FAM234A: variants seen among roughly 807,000 people sequenced by gnomAD.
FAM234A encodes the protein protein FAM234A.
FAM234A carries 42 observed loss-of-function variants against 49.1 expected under a neutral mutation model. The observed-to-expected ratio is 0.86, with a 90% CI of 0.67 to 1.11. The LOEUF is 1.11. FAM234A is among the 50% of genes least tolerant of loss of function. The pLI is 0.00. For synonymous variants in FAM234A, 369 were observed against 316.2 expected (o/e 1.17, Z -1.77); for missense variants, 815 against 745.2 (o/e 1.09, Z -1.09).
intron 1 of FAM234A, among the ~76,000 whole-genome samples, chr16:238,753 G>C (rs1160945332): frequency 1.8e-5 from 2 of 111,064 alleles, no homozygotes; most frequent in African/African-American, 7.2e-5. Flanking sequence ...GCGACAGAGT[G>C]AGACTCCGTC....
Position 246,138 on chromosome 16 carries a change from C to T in FAM234A, c.-139-3411C>T, listed in dbSNP as rs1022761439. Among the ~76,000 whole-genome samples, 3 of 151,364 alleles carry T rather than the reference C, an allele frequency of 2.0e-5. No homozygotes were observed. In the South Asian group the frequency reaches 6.3e-4, roughly 32 times the overall value. Reference sequence around the variant, plus strand: ...GCTGAGGCAGGAGAATCGCTTGAACCCAGGAGGCAGAGGTTGCAGTGAGCC... The same window carrying T: ...GCTGAGGCAGGAGAATCGCTTGAACTCAGGAGGCAGAGGTTGCAGTGAGCC... On this transcript the variant is annotated intron_variant, in intron 1 of 12. Transcript: ENST00000399932.
At chr16:251,445 G>C (rs2141256417) in intron 2 of FAM234A, among the ~76,000 whole-genome samples, 1 of 151,986 alleles carries the variant, frequency 6.6e-6, no homozygotes, top group African/African-American at 2.4e-5. Context: ...CGTGATCTCA[G>C]CTCACTGCAG....
chr16:266,111 C>T (rs1367777706), downstream of FAM234A: 27 of 984,582 alleles, frequency 2.7e-5, no homozygotes, highest in East Asian at 2.3e-4. Context: ...GGTGGTCAGG[C>T]GTGAGCCTAG....
At position 243,668 on chromosome 16, in the gene FAM234A, A is replaced by AAAGG. The variant is rs1244166855; in HGVS notation, c.-139-5877_-139-5874dup. Among the ~76,000 whole-genome samples, 24 of 152,306 alleles carry AAAGG rather than the reference A, an allele frequency of 1.6e-4. No homozygotes were observed. The East Asian group carries it at 4.2e-3, about 27-fold the overall frequency. ...TCTGGTGGCTCAGTCAAGTTTCCAA[A>AAAGG]AAGGAAGTCTTACCTGGAGATCCTG... On this transcript the variant is annotated intron_variant, in intron 1 of 12. Coordinates refer to ENST00000399932, the MANE Select transcript of FAM234A (RefSeq NM_032039.4).
Position 262,517 on chromosome 16 carries a change from T to A in FAM234A, c.935T>A (p.Met312Lys). ...PFKSDPHWES[M>K]LNATTRRMLS... ...AAGAGTGACCCGCACTGGGAGAGCA[T>A]GCTCAATGCCACCACCCGCAGGATG... is the stretch of plus-strand genomic sequence containing the variant. The change falls in exon 8 of 13, where the codon ATG becomes AAG. Residue 312 changes from methionine to lysine, a missense_variant. Met to Lys is a moderately conservative substitution (Grantham distance 95). Transcript: ENST00000399932. The A allele has an allele frequency of 1.2e-6, 2 of 1,611,108 alleles. No homozygotes were observed. Among genetic ancestry groups the A allele is most frequent in the Non-Finnish European group, 1.7e-6 (2 of 1,178,666 alleles).
In FAM234A at chr16:264,754, G is replaced by A. The variant is rs146078114; in HGVS notation, c.1447+38G>A. 320 of 1,607,300 alleles carry A rather than the reference G, an allele frequency of 2.0e-4. 1 individual carries two copies. The East Asian group carries it at 6.3e-3, about 32-fold the overall frequency. On this transcript the variant is annotated intron_variant, in intron 12 of 12. Transcript: ENST00000399932. ...TCGGCCAGGGACCCGGGTGTTCCGC[G>A]GGGTCTGCCCTGGCTGGTCCTGAGC...
At chr16:262,588 C>T (rs1316023823) in intron 8 of FAM234A, 35 bp downstream of exon 8, 12 of 1,541,856 alleles carry the variant, frequency 7.8e-6, no homozygotes, top group Middle Eastern at 2.1e-4. Context: ...CCATGCAGAG[C>T]GCCCACCCCA....
At chr16:250,083 C>T (rs935289725) in intron 2 of FAM234A, among the ~76,000 whole-genome samples, 6 of 152,196 alleles carry the variant, frequency 3.9e-5, no homozygotes, top group African/African-American at 9.7e-5. Flanking sequence ...AGGCGCATGC[C>T]GCCACACCCA....
At chr16:262,756 G>A (rs1370108845) in intron 8 of FAM234A, among the ~76,000 whole-genome samples, 2 of 151,892 alleles carry the variant, frequency 1.3e-5, no homozygotes, top group Non-Finnish European at 1.5e-5. Flanking sequence ...GGTTCCCGAC[G>A]CTGTGCCTGT....
intron 1 of FAM234A, among the ~76,000 whole-genome samples, chr16:246,749 G>GTGTTT (rs146299091): frequency 1.1e-4 from 16 of 148,792 alleles, no homozygotes; most frequent in South Asian, 6.4e-4. Flanking sequence ...CGATCGATTG[G>GTGTTT]TGTTTTGTTT....
In FAM234A at chr16:259,548, T is replaced by C. The variant is rs202157021; in HGVS notation, c.334T>C (p.Tyr112His). 1 of 1,613,208 alleles carries C rather than the reference T, an allele frequency of 6.2e-7. No homozygotes were observed. Among genetic ancestry groups the C allele is most frequent in the Non-Finnish European group, 8.5e-7 (1 of 1,179,148 alleles). The change falls in exon 4 of 13, where the codon TAT becomes CAT. Residue 112 changes from tyrosine to histidine, a missense_variant. Tyr to His is a moderately conservative substitution (Grantham distance 83). Transcript: ENST00000399932. ...GDRIQDVLFL[Y>H]KNTNSSNNFS... ...CAGGATCCAAGATGTTCTTTTTCTTTATAAAAACACCAACAGCAGCAACAA... is the reference window on the plus strand; with the variant it reads ...CAGGATCCAAGATGTTCTTTTTCTTCATAAAAACACCAACAGCAGCAACAA...
intron 2 of FAM234A, among the ~76,000 whole-genome samples, chr16:250,749 G>A (rs1202337035): frequency 6.6e-6 from 1 of 151,976 alleles, no homozygotes; most frequent in African/African-American, 2.4e-5. Context: ...TGGCCCCCAC[G>A]AGTCTACTCC....
rs1325523478 is a variant in FAM234A, at chr16:263,743, G to C, written c.1156G>C (p.Ala386Pro). 1 of 1,614,014 alleles carries C rather than the reference G, an allele frequency of 6.2e-7. No homozygotes were observed. The highest frequency in any genetic ancestry group is 1.3e-5 in the African/African-American group (1 of 74,950). ...CTACAAACCAGACACCTTGGCTGTA[G>C]CCGTTGAAAACGGAACTGGCACCGA... ...GRYKPDTLAVAVENGTGTDRQ... is the reference protein window; with the variant it reads ...GRYKPDTLAVPVENGTGTDRQ... The change falls in exon 10 of 13, where the codon GCC becomes CCC. Residue 386 changes from alanine (A) to proline (P), a missense_variant. Coordinates refer to ENST00000399932, the MANE Select transcript of FAM234A (RefSeq NM_032039.4).
At chr16:263,807 T>C in intron 10 of FAM234A, 32 bp downstream of exon 10, 2 of 1,568,284 alleles carry the variant, frequency 1.3e-6, no homozygotes, top group Non-Finnish European at 8.8e-7. Context: ...GGTGGCACCT[T>C]TGTTCTTAGC....
In FAM234A at chr16:264,688, T is replaced by C. The variant is rs2051623685; in HGVS notation, c.1419T>C (p.Asn473=). ...CGCGCGTGCTGCTGGAGCTGGCCAA[T>C]GTCTCTACCCACATTGTCGCCTTTG... is the stretch of plus-strand genomic sequence containing the variant. ...TLPRVLLELA[N]VSTHIVAFDA... is the part of the protein sequence containing the mutation. Residue 473 remains asparagine (N), a synonymous_variant, in exon 12 of 13, where the codon AAT becomes AAC. Coordinates refer to ENST00000399932, the MANE Select transcript of FAM234A (RefSeq NM_032039.4). 2 of 1,611,960 alleles carry C rather than the reference T, an allele frequency of 1.2e-6. No individual in the cohort carries two copies. Among genetic ancestry groups the C allele is most frequent in the Non-Finnish European group, 1.7e-6 (2 of 1,179,894 alleles).
intron 2 of FAM234A, among the ~76,000 whole-genome samples, chr16:251,048 C>G (rs2050982116): frequency 4.6e-5 from 7 of 152,312 alleles, no homozygotes; most frequent in Admixed American, 3.9e-4. Flanking sequence ...CTTCCACCTC[C>G]CGGGTTCAAG....
chr16:242,211 T>C (rs1037307951), intron 1 of FAM234A, among the ~76,000 whole-genome samples: 1 of 152,108 alleles, frequency 6.6e-6, no homozygotes, highest in Non-Finnish European at 1.5e-5. Flanking sequence ...GGACAGCTGG[T>C]TTACCGATAG....
rs758983888 is a variant in FAM234A, at chr16:261,631, G to A, written c.708+117G>A. ...GGATTCGGGTCTGACCACTTGCCGGGGACTCGCCCAGAGCCCCACGTTCCC... is the reference window on the plus strand; with the variant it reads ...GGATTCGGGTCTGACCACTTGCCGGAGACTCGCCCAGAGCCCCACGTTCCC... On this transcript the variant is annotated intron_variant, in intron 6 of 12. Transcript: ENST00000399932. The A allele has an allele frequency of 4.9e-4, 627 of 1,286,210 alleles. 2 individuals are homozygous for A. Among genetic ancestry groups the A allele is most frequent in the Admixed American group, 8.9e-4 (40 of 44,728 alleles). The allele number at this position is 1,286,210 out of a possible 1,614,324, so 79.7% of individuals were successfully genotyped here. A position where few individuals can be genotyped will look rare whatever the true frequency, so the allele number is the denominator to read the frequency against.
intron 4 of FAM234A, 53 bp from the exon 5 acceptor site, chr16:259,916 G>T (rs375539261): frequency 2.0e-6 from 3 of 1,535,192 alleles, no homozygotes; most frequent in Non-Finnish European, 2.7e-6. Context: ...GGGGCTGGCC[G>T]GCCTGCCTGC....
Sources: allele counts gnomAD v4.1 joint callset (sites outside exome capture counted in the v4.1 genomes callset), GRCh38; gene constraint gnomAD v4.1.1; transcripts MANE v1.5; gene names NCBI Gene and HGNC (gene_info 2026-07-23, HGNC 2026-07-21).